The following PTPRT variants were observed in gnomAD, a reference collection of about 807,000 sequenced individuals.
PTPRT encodes the protein protein tyrosine phosphatase receptor type T, also known as receptor-type tyrosine-protein phosphatase T.
Under a neutral mutation model 176.8 loss-of-function variants are expected in PTPRT, and 56 were observed. The observed-to-expected ratio is 0.32, with a 90% CI of 0.26 to 0.40. The LOEUF is 0.40. Ranked by LOEUF, PTPRT falls within the 10% of genes least tolerant of loss-of-function variation. The probability of loss-of-function intolerance (pLI) is 1.00; values close to 1 mark genes in which losing one functional copy is unlikely to be tolerated. For synonymous variants in PTPRT, 783 were observed against 739.0 expected, an observed-to-expected ratio of 1.06 and a Z score of -0.96; for missense variants, 1,540 against 1,908.2, an observed-to-expected ratio of 0.81 and a Z score of 3.60.
At chr20:42,688,793 G>C (rs2075743414) in intron 6 of PTPRT, among the ~76,000 whole-genome samples, 1 of 152,126 alleles carries the variant, frequency 6.6e-6, no homozygotes, top group Non-Finnish European at 1.5e-5. Context: ...GACACAGTGA[G>C]GCAGGTACAT....
At chr20:43,089,456 T>A (rs1423102760) in intron 1 of PTPRT, among the ~76,000 whole-genome samples, 2 of 152,244 alleles carry the variant, frequency 1.3e-5, no homozygotes, top group African/African-American at 4.8e-5. Flanking sequence ...CTGCAAAGAA[T>A]AGTCTGTGAA....
intron 8 of PTPRT, among the ~76,000 whole-genome samples, chr20:42,462,402 G>A (rs545763290): frequency 6.6e-6 from 1 of 152,290 alleles, no homozygotes; most frequent in South Asian, 2.1e-4. Context: ...CCTAGCACAG[G>A]CAGGAAATCA....
At chr20:43,162,344 G>A (rs892231522) in intron 1 of PTPRT, among the ~76,000 whole-genome samples, 3 of 152,274 alleles carry the variant, frequency 2.0e-5, no homozygotes, top group Admixed American at 1.3e-4. Context: ...ACCTTATAAC[G>A]CGGATCTTAT....
At chr20:42,671,456 G>A (rs1193362118) in intron 7 of PTPRT, among the ~76,000 whole-genome samples, 1 of 152,158 alleles carries the variant, frequency 6.6e-6, no homozygotes, top group East Asian at 1.9e-4. Context: ...GGGATGTGCT[G>A]GAGGAAACCA....
chr20:42,555,997 T>C (rs1161390028), intron 7 of PTPRT, among the ~76,000 whole-genome samples: 1 of 152,160 alleles, frequency 6.6e-6, no homozygotes, highest in Non-Finnish European at 1.5e-5. Flanking sequence ...AGAGGTGACA[T>C]TTATGCCAAG....
chr20:43,050,548 G>A (rs764599719), intron 1 of PTPRT, among the ~76,000 whole-genome samples: 45 of 152,150 alleles, frequency 3.0e-4, no homozygotes, highest in Non-Finnish European at 4.4e-4. Context: ...ATACCACAAG[G>A]TCCAAATCCG....
chr20:42,735,704 C>T (rs370448449), intron 6 of PTPRT, among the ~76,000 whole-genome samples: 1 of 152,148 alleles, frequency 6.6e-6, no homozygotes, highest in South Asian at 2.1e-4. Context: ...AAGGCAGTGG[C>T]TGCAGCTCCT....
chr20:42,147,198 C>T (rs1006055475), intron 17 of PTPRT, among the ~76,000 whole-genome samples: 6 of 152,118 alleles, frequency 3.9e-5, no homozygotes, highest in African/African-American at 1.4e-4. Flanking sequence ...GCTTGAAAGA[C>T]CTATTTAGGA....
chr20:42,930,449 C>T (rs1979764828), intron 1 of PTPRT, among the ~76,000 whole-genome samples: 1 of 152,126 alleles, frequency 6.6e-6, no homozygotes, highest in African/African-American at 2.4e-5. Flanking sequence ...CCCTTGTGCA[C>T]AATTCCCTTT....
chr20:42,284,209 G>A (rs572076519), intron 12 of PTPRT, among the ~76,000 whole-genome samples: 8 of 152,068 alleles, frequency 5.3e-5, no homozygotes, highest in Admixed American at 4.6e-4. Flanking sequence ...ATTGATATAT[G>A]ATTATCTAGA....
At chr20:42,707,991 T>A (rs1156257253) in intron 6 of PTPRT, among the ~76,000 whole-genome samples, 2 of 152,148 alleles carry the variant, frequency 1.3e-5, no homozygotes, top group East Asian at 3.9e-4. Flanking sequence ...TATGCAAAAA[T>A]AGAAAACCAA....
intron 3 of PTPRT, among the ~76,000 whole-genome samples, chr20:42,783,054 C>G (rs1292047356): frequency 2.0e-5 from 3 of 152,090 alleles, no homozygotes; most frequent in Non-Finnish European, 2.9e-5. Context: ...GCTTATGGCT[C>G]AGTTGCAAAA....
In PTPRT at chr20:42,088,451, C is replaced by T. The variant is rs1229485272; in HGVS notation, c.3847-2598G>A. Among the ~76,000 whole-genome samples the T allele has an allele frequency of 3.3e-5, 5 of 152,210 alleles. No individual in the cohort carries two copies. The South Asian group carries it at 6.2e-4, about 19-fold the overall frequency. ...ACATGTGAAAATACCTTCATTCTCT[C>T]CTTCCTCCAGAACTAGAATTAGAAG... On this transcript the variant is annotated intron_variant, in intron 27 of 30. Transcript: ENST00000373187.
At chr20:42,181,016 T>C (rs575862917) in intron 16 of PTPRT, among the ~76,000 whole-genome samples, 4 of 152,312 alleles carry the variant, frequency 2.6e-5, no homozygotes, top group African/African-American at 9.6e-5. Flanking sequence ...CATCAACTCA[T>C]AGGTTTTAAG....
chr20:43,127,416 C>T (rs558270229), intron 1 of PTPRT, among the ~76,000 whole-genome samples: 56 of 143,816 alleles, frequency 3.9e-4, no homozygotes, highest in South Asian at 1.7e-3. Context: ...GAGCGAGACT[C>T]CATCTCAAAA....
intron 2 of PTPRT, among the ~76,000 whole-genome samples, chr20:42,809,573 T>G (rs779796924): frequency 6.6e-6 from 1 of 152,198 alleles, no homozygotes; most frequent in Non-Finnish European, 1.5e-5. Context: ...CTCACAGTTC[T>G]GGAGGCCAGA....
At chr20:43,049,214 C>T (rs1568753876) in intron 1 of PTPRT, among the ~76,000 whole-genome samples, 1 of 152,094 alleles carries the variant, frequency 6.6e-6, no homozygotes, top group South Asian at 2.1e-4. Flanking sequence ...TTCAAACAGT[C>T]GCAGCATTCT....
rs1392208026 is a variant in PTPRT, at chr20:42,080,425, G to C, written c.*454C>G. The C allele has an allele frequency of 4.2e-6, 1 of 236,162 alleles. No homozygotes were observed. Among genetic ancestry groups the C allele is most frequent in the Non-Finnish European group, 8.3e-6 (1 of 120,354 alleles). The allele number at this position is 236,162 out of a possible 1,614,324, so 14.6% of individuals were successfully genotyped here. A position where few individuals can be genotyped will look rare whatever the true frequency, so the allele number is the denominator to read the frequency against. On this transcript the variant is annotated 3_prime_UTR_variant, in exon 31 of 31. Coordinates refer to ENST00000373187, the MANE Select transcript of PTPRT (RefSeq NM_007050.6). ...GGAGGTTGCAGGGGGCAGCAGAGCA[G>C]TGACCCCCAAGAGCCTCAATCTTTT...
chr20:42,504,930 C>A (rs915469058), intron 7 of PTPRT, among the ~76,000 whole-genome samples: 1 of 152,130 alleles, frequency 6.6e-6, no homozygotes, highest in Non-Finnish European at 1.5e-5. Context: ...GTTATGCATA[C>A]ACATCTGTGA....
Sources: allele counts gnomAD v4.1 joint callset (sites outside exome capture counted in the v4.1 genomes callset), GRCh38; gene constraint gnomAD v4.1.1; transcripts MANE v1.5; gene names NCBI Gene and HGNC (gene_info 2026-07-23, HGNC 2026-07-21).